PSD3: variants seen among roughly 807,000 people sequenced by gnomAD.
PSD3 encodes the protein PH and SEC7 domain-containing protein 3.
PSD3 carries 49 observed loss-of-function variants against 105.5 expected under a neutral mutation model. That is an observed-to-expected ratio of 0.46 (90% CI 0.37 to 0.59). The LOEUF (loss-of-function observed/expected upper bound fraction) is 0.59. Among genes scored for constraint, PSD3 ranks in the 20% least tolerant of loss-of-function variants. The pLI is 0.00. For missense variants in PSD3, 1,561 were observed against 1,263.8 expected (o/e 1.24, Z -3.57); for synonymous variants, 557 against 457.8 (o/e 1.22, Z -2.77).
intron 8 of PSD3, among the ~76,000 whole-genome samples, chr8:18,766,735 C>T (rs1421573594): frequency 1.3e-5 from 2 of 152,172 alleles, no homozygotes; most frequent in Admixed American, 6.5e-5. Context: ...ATTACTTACA[C>T]TAACAGGGGC....
intron 1 of PSD3, among the ~76,000 whole-genome samples, chr8:19,079,447 T>G (rs1829571671): frequency 6.6e-6 from 1 of 152,346 alleles, no homozygotes; most frequent in Non-Finnish European, 1.5e-5. Context: ...TATAAAATTC[T>G]AAATGACTCA....
Position 18,970,940 on chromosome 8 carries a change from C to A in PSD3, c.22-34798G>T, listed in dbSNP as rs971371135. ...GTTACAGTGAGCCGAGATCACACCA[C>A]TGCACTCCACCCTAAGTAAAAGAGC... is the stretch of plus-strand genomic sequence containing the variant. On this transcript the variant is annotated intron_variant, in intron 1 of 15. Transcript: ENST00000327040. Among the ~76,000 whole-genome samples, 5 of 151,220 alleles carry A rather than the reference C, an allele frequency of 3.3e-5. No individual in the cohort carries two copies. In the East Asian group the frequency reaches 9.8e-4, roughly 30 times the overall value.
chr8:19,055,410 C>T (rs562067985), intron 1 of PSD3, among the ~76,000 whole-genome samples: 40 of 152,226 alleles, frequency 2.6e-4, no homozygotes, highest in African/African-American at 6.5e-4. Flanking sequence ...CCCGCCACGA[C>T]GCTCAGCTAA....
intron 10 of PSD3, among the ~76,000 whole-genome samples, chr8:18,643,330 CAT>C (rs532688035): frequency 6.6e-6 from 1 of 152,196 alleles, no homozygotes; most frequent in Non-Finnish European, 1.5e-5. Context: ...GGTTGGGGGA[CAT>C]ATTCAAACCA....
rs1810658297 is a variant in PSD3, at chr8:18,801,278, G to A, written c.2015C>T (p.Ala672Val). ...RYFYCNPDTI[A>V]SQDGVHCLTC... ...GATTTGTATCAGATTACCTTGTGAA[G>A]CAATGGTATCTGGGTTACAATAAAA... The change falls in exon 7 of 16, where the codon GCT becomes GTT. Residue 672 changes from alanine (A) to valine (V), a missense_variant. Transcript: ENST00000327040. 1 of 1,556,546 alleles carries A rather than the reference G, an allele frequency of 6.4e-7. No homozygotes were observed. The highest frequency in any genetic ancestry group is 2.3e-5 in the East Asian group (1 of 44,352).
At chr8:18,690,890 T>G (rs763332565) in intron 9 of PSD3, among the ~76,000 whole-genome samples, 1 of 152,234 alleles carries the variant, frequency 6.6e-6, no homozygotes, top group East Asian at 1.9e-4. Context: ...GACATAAAAC[T>G]GCAAAGTTTT....
intron 1 of PSD3, among the ~76,000 whole-genome samples, chr8:18,945,702 G>T (rs144173534): frequency 6.6e-6 from 1 of 152,192 alleles, no homozygotes; most frequent in Non-Finnish European, 1.5e-5. Context: ...TCAGCTGGGC[G>T]TGGTGGCTCA....
intron 1 of PSD3, among the ~76,000 whole-genome samples, chr8:19,042,501 A>AT (rs1217915658): frequency 6.6e-6 from 1 of 152,238 alleles, no homozygotes; most frequent in Non-Finnish European, 1.5e-5. Flanking sequence ...AAAAACTTAC[A>AT]TTTTCCACTA....
chr8:18,873,371 C>A (rs1237944437), intron 2 of PSD3, among the ~76,000 whole-genome samples: 1 of 152,058 alleles, frequency 6.6e-6, no homozygotes, highest in Non-Finnish European at 1.5e-5. Context: ...AACCCAACTA[C>A]GGAAAATTCA....
At chr8:18,765,992 A>C (rs183445114) in intron 8 of PSD3, among the ~76,000 whole-genome samples, 1 of 151,294 alleles carries the variant, frequency 6.6e-6, no homozygotes, top group East Asian at 1.9e-4. Context: ...AAAACAAAAA[A>C]CAGACAAACA....
chr8:18,932,830 T>C (rs901375034), intron 2 of PSD3, among the ~76,000 whole-genome samples: 1 of 152,222 alleles, frequency 6.6e-6, no homozygotes, highest in Admixed American at 6.5e-5. Context: ...TTCCTGCTCA[T>C]ACCATTTCTG....
intron 1 of PSD3, among the ~76,000 whole-genome samples, chr8:18,997,893 G>A (rs1398356383): frequency 6.6e-6 from 1 of 151,914 alleles, no homozygotes; most frequent in East Asian, 1.9e-4. Context: ...ATTTTTCCCT[G>A]AAGGGCTTCA....
At chr8:18,838,985 G>C (rs963223632) in intron 4 of PSD3, among the ~76,000 whole-genome samples, 1 of 151,630 alleles carries the variant, frequency 6.6e-6, no homozygotes, top group Non-Finnish European at 1.5e-5. Flanking sequence ...AAAGCCTGAG[G>C]AAAAGGCTTA....
At chr8:18,679,416 G>A (rs959897291) in intron 9 of PSD3, among the ~76,000 whole-genome samples, 3 of 152,150 alleles carry the variant, frequency 2.0e-5, no homozygotes, top group African/African-American at 7.2e-5. Flanking sequence ...GCAGAGCAGA[G>A]GTTTGGAGCA....
At chr8:19,055,399 G>A (rs895763276) in intron 1 of PSD3, among the ~76,000 whole-genome samples, 21 of 151,102 alleles carry the variant, frequency 1.4e-4, no homozygotes, top group East Asian at 9.9e-4. Flanking sequence ...GGTTACAGGC[G>A]CCCGCCACGA....
intron 2 of PSD3, among the ~76,000 whole-genome samples, chr8:18,922,812 A>C (rs1251073008): frequency 6.6e-6 from 1 of 152,146 alleles, no homozygotes; most frequent in Non-Finnish European, 1.5e-5. Flanking sequence ...CCAACTTCTG[A>C]TAAAGGCTGT....
chr8:18,748,615 G>A (rs973228932), intron 9 of PSD3, among the ~76,000 whole-genome samples: 2 of 145,366 alleles, frequency 1.4e-5, no homozygotes, highest in Non-Finnish European at 3.0e-5. Context: ...AGCTGAGATC[G>A]CGCCACTGCA....
intron 1 of PSD3, 83 bp downstream of exon 1, chr8:19,013,480 C>G: frequency 6.4e-7 from 1 of 1,558,980 alleles, no homozygotes; most frequent in Non-Finnish European, 8.7e-7. Context: ...GGGGACAGAG[C>G]GGCGACAAAG....
chr8:18,681,645 G>A (rs1046361947), intron 9 of PSD3, among the ~76,000 whole-genome samples: 2 of 151,956 alleles, frequency 1.3e-5, no homozygotes. Flanking sequence ...ATTAAGTTCA[G>A]TAATTTAGGG....
Sources: gnomAD v4.1 joint callset for allele counts (sites outside exome capture counted in the v4.1 genomes callset) on GRCh38, gnomAD v4.1.1 for gene constraint, MANE v1.5 for transcripts, NCBI Gene and HGNC (gene_info 2026-07-23, HGNC 2026-07-21) for gene names.